The following CFAP299 variants were observed in gnomAD, a reference collection of about 807,000 sequenced individuals.
CFAP299 encodes the protein cilia- and flagella-associated protein 299.
In CFAP299, 21 loss-of-function variants were observed where a neutral mutation model predicts 27.0. That is an observed-to-expected ratio of 0.78 (90% confidence interval 0.55 to 1.12). CFAP299 has a LOEUF of 1.12. CFAP299 is among the 50% of genes most tolerant of loss of function. CFAP299 has a pLI of 0.00. For missense variants in CFAP299, 310 were observed against 276.6 expected, an observed-to-expected ratio of 1.12 and a Z score of -0.86; for synonymous variants, 104 against 98.1, an observed-to-expected ratio of 1.06 and a Z score of -0.36.
intron 1 of CFAP299, among the ~76,000 whole-genome samples, chr4:80,350,448 G>T (rs1179554867): frequency 6.6e-6 from 1 of 152,070 alleles, no homozygotes; most frequent in Non-Finnish European, 1.5e-5. Context: ...ATACCCAAAG[G>T]ATTATAAATC....
At chr4:80,890,977 G>A (rs1326821969) in intron 4 of CFAP299, among the ~76,000 whole-genome samples, 12 of 151,900 alleles carry the variant, frequency 7.9e-5, no homozygotes, top group Non-Finnish European at 1.5e-5. Context: ...TGTCAGATGA[G>A]TAGGTTGCGA....
intron 3 of CFAP299, among the ~76,000 whole-genome samples, chr4:80,726,590 C>T (rs923846097): frequency 4.0e-5 from 6 of 151,486 alleles, no homozygotes; most frequent in South Asian, 2.1e-4. Flanking sequence ...CTTTTTTTTC[C>T]GTACTTCACT....
chr4:80,720,649 C>T (rs947690516), intron 3 of CFAP299, among the ~76,000 whole-genome samples: 1 of 151,910 alleles, frequency 6.6e-6, no homozygotes, highest in Non-Finnish European at 1.5e-5. Context: ...GAATAAAGCT[C>T]TCAAGGATAT....
intron 3 of CFAP299, among the ~76,000 whole-genome samples, chr4:80,637,870 C>A (rs1317731890): frequency 7.9e-5 from 12 of 152,162 alleles, no homozygotes; most frequent in African/African-American, 2.2e-4. Context: ...ACTAGAGAAG[C>A]CTCATTTAAA....
At chr4:80,880,188 G>C (rs1560460206) in intron 4 of CFAP299, among the ~76,000 whole-genome samples, 1 of 151,752 alleles carries the variant, frequency 6.6e-6, no homozygotes. Context: ...AAGGAGGGAA[G>C]AGAGGATGGA....
chr4:80,736,372 G>C (rs1207183468), intron 3 of CFAP299, among the ~76,000 whole-genome samples: 1 of 151,748 alleles, frequency 6.6e-6, no homozygotes, highest in Non-Finnish European at 1.5e-5. Flanking sequence ...TCTCAGGTTT[G>C]TCAAAGATCA....
At chr4:80,393,391 A>G (rs942610130) in intron 2 of CFAP299, among the ~76,000 whole-genome samples, 7 of 152,184 alleles carry the variant, frequency 4.6e-5, no homozygotes, top group Admixed American at 1.3e-4. Context: ...CAGTGTTTAT[A>G]AAGCCTACAG....
At chr4:80,570,497 T>C (rs529121790) in intron 2 of CFAP299, among the ~76,000 whole-genome samples, 5 of 152,108 alleles carry the variant, frequency 3.3e-5, no homozygotes, top group African/African-American at 1.2e-4. Flanking sequence ...GAAATTAATA[T>C]GACAAAACAT....
At chr4:80,373,337 C>T (rs1179157811) in intron 2 of CFAP299, among the ~76,000 whole-genome samples, 1 of 152,072 alleles carries the variant, frequency 6.6e-6, no homozygotes, top group African/African-American at 2.4e-5. Flanking sequence ...GTGGGTATTA[C>T]ATTTTCCTTT....
chr4:80,720,760 TC>T (rs1307735509), intron 3 of CFAP299, among the ~76,000 whole-genome samples: 1 of 152,076 alleles, frequency 6.6e-6, no homozygotes, highest in African/African-American at 2.4e-5. Flanking sequence ...CATAATAAAT[TC>T]TTCTGAATAA....
At chr4:80,737,271 A>T (rs1723961864) in intron 3 of CFAP299, among the ~76,000 whole-genome samples, 1 of 151,988 alleles carries the variant, frequency 6.6e-6, no homozygotes, top group African/African-American at 2.4e-5. Flanking sequence ...TATGTAACTA[A>T]CCTGCACATT....
chr4:80,321,359 T>C, the CFAP299 span, among the ~76,000 whole-genome samples: 1 of 152,212 alleles, frequency 6.6e-6, no homozygotes, highest in African/African-American at 2.4e-5. Context: ...GGACTGAATT[T>C]TGTTAAAACC....
rs186435749 is a variant in CFAP299, at chr4:80,851,222, A to T, written c.334-18771A>T. On this transcript the variant is annotated intron_variant, in intron 3 of 5. Coordinates refer to ENST00000358105, the MANE Select transcript of CFAP299 (RefSeq NM_152770.3). ...TCTGGCCAAGCTAAGGAGCATCTAT[A>T]TAAAGAGGATCCAGTAATGAAGCCT... 2.5e-3 allele frequency among the ~76,000 whole-genome samples: 380 copies of T among 152,274 alleles called. 1 individual carries two copies. The highest frequency in any genetic ancestry group is 8.6e-3 in the African/African-American group (359 of 41,570).
intron 2 of CFAP299, among the ~76,000 whole-genome samples, chr4:80,542,161 C>T (rs907359057): frequency 2.6e-5 from 4 of 152,142 alleles, no homozygotes; most frequent in Non-Finnish European, 5.9e-5. Context: ...CCAGCAGCCT[C>T]CCAGCGGCTC....
At chr4:80,651,290 A>ACT (rs33983931) in intron 3 of CFAP299, among the ~76,000 whole-genome samples, 43 of 138,384 alleles carry the variant, frequency 3.1e-4, no homozygotes, top group African/African-American at 1.1e-3. Context: ...TCTCTCTCTT[A>ACT]CTCTCTCTCT....
At chr4:80,919,710 A>T (rs560623718) in intron 4 of CFAP299, among the ~76,000 whole-genome samples, 52 of 152,288 alleles carry the variant, frequency 3.4e-4, no homozygotes, top group Middle Eastern at 3.4e-3. Flanking sequence ...CAAATTTATT[A>T]AAATGAAATA....
chr4:80,810,244 T>C (rs1729075809), intron 3 of CFAP299, among the ~76,000 whole-genome samples: 2 of 151,962 alleles, frequency 1.3e-5, no homozygotes, highest in Admixed American at 6.6e-5. Flanking sequence ...TTCATATTTG[T>C]TAACGTTCCC....
intron 2 of CFAP299, chr4:80,388,014 G>A (rs1240481474): frequency 2.8e-6 from 2 of 704,888 alleles, no homozygotes; most frequent in Non-Finnish European, 5.1e-6. Flanking sequence ...GGCACCTCCA[G>A]GGGTGGGTAG....
chr4:80,612,617 G>T (rs1019073921), intron 3 of CFAP299, among the ~76,000 whole-genome samples: 1 of 151,960 alleles, frequency 6.6e-6, no homozygotes, highest in Non-Finnish European at 1.5e-5. Context: ...GTCCCTATTT[G>T]TTTACCCAAA....
Sources: allele counts gnomAD v4.1 joint callset (sites outside exome capture counted in the v4.1 genomes callset), GRCh38; gene constraint gnomAD v4.1.1; transcripts MANE v1.5; gene names NCBI Gene and HGNC (gene_info 2026-07-23, HGNC 2026-07-21).